The following OCIAD2 variants were observed in gnomAD, a reference collection of about 807,000 sequenced individuals.
OCIAD2 encodes the protein OCIA domain-containing protein 2.
OCIAD2 carries 29 observed loss-of-function variants against 22.9 expected under a neutral mutation model. The observed-to-expected ratio is 1.27, with a 90% confidence interval of 0.94 to 1.73. The LOEUF (loss-of-function observed/expected upper bound fraction) is 1.73. Among genes scored for constraint, OCIAD2 ranks in the 40% most tolerant of loss-of-function variants. OCIAD2 has a pLI of 0.00. For synonymous variants in OCIAD2, 67 were observed against 60.2 expected, an observed-to-expected ratio of 1.11 and a Z score of -0.52; for missense variants, 189 against 180.3, an observed-to-expected ratio of 1.05 and a Z score of -0.28.
chr4:48,887,439 T>C (rs948713879), intron 6 of OCIAD2, among the ~76,000 whole-genome samples: 2 of 152,262 alleles, frequency 1.3e-5, no homozygotes, highest in African/African-American at 4.8e-5. Flanking sequence ...TGGTATTGCC[T>C]AGGTTTTCTT....
In OCIAD2 at chr4:48,887,331, CTTTAG is replaced by C. The variant is rs1348484892; in HGVS notation, c.384-1771_384-1767del. ...TAGTTTCTTTTGCTGTGCAGAAGCT[CTTTAG>C]TTTAATTAGATCCCATTTATCAACT... is the stretch of plus-strand genomic sequence containing the variant. On this transcript the variant is annotated intron_variant, in intron 6 of 6. Coordinates refer to ENST00000508632, the MANE Select transcript of OCIAD2 (RefSeq NM_001014446.3). 3.9e-5 allele frequency among the ~76,000 whole-genome samples: 6 copies of C among 152,302 alleles called. No homozygotes were observed. In the East Asian group the frequency reaches 1.2e-3, roughly 29 times the overall value.
chr4:48,893,290 A>G (rs1412103465), intron 5 of OCIAD2: 2 of 153,860 alleles, frequency 1.3e-5, no homozygotes, highest in East Asian at 3.8e-4. Context: ...GCTTCAGTCC[A>G]TCTTGCCTAT....
At chr4:48,893,684 C>T (rs574907194) in intron 5 of OCIAD2, 1 of 177,360 alleles carries the variant, frequency 5.6e-6, no homozygotes, top group Non-Finnish European at 1.2e-5. Context: ...GAAGTCCCAA[C>T]TGCTAAGCTG....
intron 6 of OCIAD2, among the ~76,000 whole-genome samples, chr4:48,890,065 T>C (rs1207512584): frequency 7.8e-6 from 1 of 128,152 alleles, no homozygotes; most frequent in African/African-American, 3.0e-5. Flanking sequence ...ATGAGAACAC[T>C]TGGACACAGG....
chr4:48,905,309 G>T (rs1221696500), intron 1 of OCIAD2, among the ~76,000 whole-genome samples: 2 of 152,070 alleles, frequency 1.3e-5, no homozygotes, highest in African/African-American at 4.8e-5. Context: ...ATGAAGTTGG[G>T]AGCTGCCATC....
chr4:48,902,409 T>C (rs80068522), intron 2 of OCIAD2, among the ~76,000 whole-genome samples: 3,172 of 152,336 alleles, frequency 0.021, 41 homozygotes, highest in Middle Eastern at 0.037. Context: ...TGTGGAGCTC[T>C]ACAAACAGTC....
At chr4:48,889,078 T>C (rs1239290771) in intron 6 of OCIAD2, among the ~76,000 whole-genome samples, 1 of 152,250 alleles carries the variant, frequency 6.6e-6, no homozygotes, top group Non-Finnish European at 1.5e-5. Context: ...AGGGTGTATG[T>C]GTCCAGCAAT....
At chr4:48,892,106 G>T (rs1175833028) in intron 6 of OCIAD2, among the ~76,000 whole-genome samples, 2 of 152,216 alleles carry the variant, frequency 1.3e-5, no homozygotes, top group Non-Finnish European at 2.9e-5. Flanking sequence ...CCAGTGAGGG[G>T]TGTTTAGAGA....
rs1488225491 is a variant in OCIAD2, at chr4:48,894,042, C to G, written c.229G>C (p.Ala77Pro). The G allele has an allele frequency of 2.7e-6, 4 of 1,500,078 alleles. No homozygotes were observed. Among genetic ancestry groups the G allele is most frequent in the African/African-American group, 1.4e-5 (1 of 72,048 alleles). 92.9% of individuals were successfully genotyped at this position (1,500,078 alleles called of 1,614,324 possible). A position where few individuals can be genotyped will look rare whatever the true frequency, so the allele number is the denominator to read the frequency against. Residue 77 changes from alanine to proline, a missense_variant, in exon 5 of 7, where the codon GCT becomes CCT. Ala to Pro is a conservative substitution (Grantham distance 27). Coordinates refer to ENST00000508632, the MANE Select transcript of OCIAD2 (RefSeq NM_001014446.3). ...GGCAATGATCCAAATCTAGAATTAGCTGCCAAATAACCTAAGGAGTAATAA... is the reference window on the plus strand; with the variant it reads ...GGCAATGATCCAAATCTAGAATTAGGTGCCAAATAACCTAAGGAGTAATAA... ...QGLVYQGYLA[A>P]NSRFGSLPKV...
chr4:48,897,839 A>G lies in OCIAD2; in HGVS notation c.182T>C (p.Val61Ala). Residue 61 changes from valine (V) to alanine (A), a missense_variant, in exon 4 of 7, where the codon GTA becomes GCA. Physicochemically the swap from Val to Ala is moderately conservative, Grantham distance 64. Coordinates refer to ENST00000508632, the MANE Select transcript of OCIAD2 (RefSeq NM_001014446.3). ...FWKRALPFSL[V>A]SMLVTQGLVY... is the part of the protein sequence containing the mutation. ...TAGTCCCTGGGTGACAAGCATGCTT[A>G]CAAGAGAAAAAGGCAGAGCTGTAAA... 6.2e-7 allele frequency: 1 copy of G among 1,612,958 alleles called. No homozygotes were observed. Among genetic ancestry groups the G allele is most frequent in the South Asian group, 1.1e-5 (1 of 90,978 alleles).
intron 6 of OCIAD2, among the ~76,000 whole-genome samples, chr4:48,890,578 C>T (rs1579149510): frequency 6.6e-6 from 1 of 152,112 alleles, no homozygotes; most frequent in African/African-American, 2.4e-5. Flanking sequence ...TATAGTTTGC[C>T]TAACTTGTCC....
intron 4 of OCIAD2, among the ~76,000 whole-genome samples, chr4:48,895,783 A>ATGGGCAGATCACTTGAGG (rs1367734815): frequency 2.0e-5 from 3 of 151,848 alleles, no homozygotes; most frequent in African/African-American, 7.3e-5. Context: ...GGAGGCTGAG[A>ATGGGCAGATCACTTGAGG]TGGGCAGATC....
In OCIAD2 at chr4:48,904,611, T is replaced by C; in HGVS notation, c.-62A>G. 1 of 1,438,338 alleles carries C rather than the reference T, an allele frequency of 7.0e-7. No individual in the cohort carries two copies. The highest frequency in any genetic ancestry group is 1.7e-5 in the Admixed American group (1 of 59,788). The allele number at this position is 1,438,338 out of a possible 1,614,324, so 89.1% of individuals were successfully genotyped here. A position where few individuals can be genotyped will look rare whatever the true frequency, so the allele number is the denominator to read the frequency against. On this transcript the variant is annotated splice_region_variant and 5_prime_UTR_variant, in exon 2 of 7. Transcript: ENST00000508632. ...CCTCTGCTTACTCCTTGACCCAGTG[T>C]CTAAGGAAGGTAGAAGAGAATCACT...
intron 6 of OCIAD2, among the ~76,000 whole-genome samples, chr4:48,888,675 A>T (rs1781068651): frequency 6.6e-6 from 1 of 152,186 alleles, no homozygotes; most frequent in African/African-American, 2.4e-5. Flanking sequence ...CTTGCATCCC[A>T]GGGATGAAGC....
chr4:48,899,949 G>A, intron 2 of OCIAD2, 24 bp from the exon 3 acceptor site: 4 of 1,544,264 alleles, frequency 2.6e-6, no homozygotes, highest in Non-Finnish European at 3.6e-6. Context: ...TATATGGTGA[G>A]CTAACTGAGG....
intron 2 of OCIAD2, among the ~76,000 whole-genome samples, chr4:48,901,021 C>T (rs771592114): frequency 6.6e-6 from 1 of 152,110 alleles, no homozygotes; most frequent in Non-Finnish European, 1.5e-5. Flanking sequence ...CCACTCCTTC[C>T]CCTCTGCCCA....
intron 6 of OCIAD2, among the ~76,000 whole-genome samples, chr4:48,887,464 G>A (rs569997928): frequency 6.6e-6 from 1 of 152,264 alleles, no homozygotes; most frequent in South Asian, 2.1e-4. Context: ...GGTTCATATG[G>A]TTTTAGATCT....
intron 2 of OCIAD2, among the ~76,000 whole-genome samples, chr4:48,902,882 G>A (rs1014488424): frequency 4.6e-5 from 7 of 152,160 alleles, no homozygotes; most frequent in African/African-American, 1.7e-4. Flanking sequence ...GAACCCAGGA[G>A]GTGGAGGTTG....
At chr4:48,896,010 C>T (rs949666022) in intron 4 of OCIAD2, among the ~76,000 whole-genome samples, 6 of 152,112 alleles carry the variant, frequency 3.9e-5, no homozygotes, top group East Asian at 3.9e-4. Context: ...CCAGCCGGAG[C>T]GACAGAGTGA....
Sources: allele counts gnomAD v4.1 joint callset (sites outside exome capture counted in the v4.1 genomes callset), GRCh38; gene constraint gnomAD v4.1.1; transcripts MANE v1.5; gene names NCBI Gene and HGNC (gene_info 2026-07-23, HGNC 2026-07-21).